Variants in NEGR1 observed in about 807,000 individuals in gnomAD.
NEGR1 encodes neuronal growth regulator 1, also known as IgLON family member 4.
Under a neutral mutation model 40.9 loss-of-function variants are expected in NEGR1, and 10 were observed. The observed-to-expected ratio is 0.24, with a 90% CI of 0.15 to 0.42. The LOEUF (loss-of-function observed/expected upper bound fraction) is 0.42. NEGR1 is among the 10% of genes least tolerant of loss of function. The pLI, the probability that NEGR1 is intolerant of heterozygous loss-of-function variation, is 1.00. For synonymous variants in NEGR1, 185 were observed against 166.8 expected, an observed-to-expected ratio of 1.11 and a Z score of -0.84; for missense variants, 352 against 438.9, an observed-to-expected ratio of 0.80 and a Z score of 1.77.
chr1:71,480,926 A>G (rs1646850227), intron 6 of NEGR1, among the ~76,000 whole-genome samples: 1 of 151,924 alleles, frequency 6.6e-6, no homozygotes, highest in Admixed American at 6.6e-5. Flanking sequence ...ACTAGTAAAG[A>G]TTGGGTACTG....
chr1:72,271,984 C>T (rs556315447), intron 1 of NEGR1, among the ~76,000 whole-genome samples: 1 of 151,956 alleles, frequency 6.6e-6, no homozygotes, highest in East Asian at 1.9e-4. Context: ...AACTGTAAGT[C>T]CAATTAAACC....
chr1:71,630,020 G>A (rs769193166), intron 4 of NEGR1, among the ~76,000 whole-genome samples: 1 of 151,808 alleles, frequency 6.6e-6, no homozygotes, highest in Non-Finnish European at 1.5e-5. Flanking sequence ...CACAATTTCT[G>A]TGTACATTTC....
chr1:71,506,209 G>A (rs958207516), intron 6 of NEGR1, among the ~76,000 whole-genome samples: 4 of 152,184 alleles, frequency 2.6e-5, no homozygotes, highest in African/African-American at 9.7e-5. Context: ...ATGGTCCCCA[G>A]AGAAAATTCA....
intron 2 of NEGR1, among the ~76,000 whole-genome samples, chr1:71,859,978 T>G (rs1365442544): frequency 6.6e-6 from 1 of 151,966 alleles, no homozygotes; most frequent in East Asian, 1.9e-4. Flanking sequence ...TCTGCCATAC[T>G]CACAATGATT....
At chr1:71,755,408 A>G (rs2101692406) in intron 3 of NEGR1, among the ~76,000 whole-genome samples, 1 of 152,314 alleles carries the variant, frequency 6.6e-6, no homozygotes, top group East Asian at 1.9e-4. Context: ...AAAAATTAAA[A>G]TTAAATCACA....
intron 1 of NEGR1, among the ~76,000 whole-genome samples, chr1:72,202,187 A>T (rs1344740044): frequency 6.6e-6 from 1 of 151,944 alleles, no homozygotes; most frequent in African/African-American, 2.4e-5. Context: ...AACCATGCTC[A>T]TATATGACAG....
chr1:71,957,433 A>ATATAT lies in NEGR1; in HGVS notation c.177-22123_177-22122insATATA, dbSNP rs1646128455. Among the ~76,000 whole-genome samples the ATATAT allele has an allele frequency of 2.0e-5, 3 of 152,264 alleles. No individual in the cohort carries two copies. In the East Asian group the frequency reaches 5.8e-4, roughly 29 times the overall value. ...GAGCTAGTCATTCTATATAAAAATG[A>ATATAT]ACTGAACCAATTGATATATACTTGG... On this transcript the variant is annotated intron_variant, in intron 1 of 6. Transcript: ENST00000357731.
chr1:71,972,653 C>T (rs1646266077), intron 1 of NEGR1, among the ~76,000 whole-genome samples: 1 of 152,092 alleles, frequency 6.6e-6, no homozygotes, highest in Non-Finnish European at 1.5e-5. Flanking sequence ...CAAATAGCTA[C>T]GATTTTATTT....
At chr1:71,725,796 T>C (rs773946245) in intron 3 of NEGR1, among the ~76,000 whole-genome samples, 4 of 152,100 alleles carry the variant, frequency 2.6e-5, no homozygotes, top group African/African-American at 4.8e-5. Flanking sequence ...GCATAGTTTC[T>C]AGTTTTTATT....
chr1:72,248,610 T>TATA (rs1654985285), intron 1 of NEGR1, among the ~76,000 whole-genome samples: 1 of 145,542 alleles, frequency 6.9e-6, no homozygotes, highest in South Asian at 2.1e-4. Flanking sequence ...TTATTATTAT[T>TATA]ATTATTTTAG....
intron 4 of NEGR1, among the ~76,000 whole-genome samples, chr1:71,654,814 G>A (rs1334039508): frequency 1.3e-5 from 2 of 152,080 alleles, no homozygotes; most frequent in Non-Finnish European, 2.9e-5. Context: ...AGTTTTCAAT[G>A]AATACATAAA....
intron 4 of NEGR1, among the ~76,000 whole-genome samples, chr1:71,640,727 A>T (rs1651321076): frequency 6.6e-6 from 1 of 152,098 alleles, no homozygotes. Context: ...TATTTATTAA[A>T]AATCGAGAGC....
At chr1:71,756,579 C>T (rs1242093345) in intron 3 of NEGR1, among the ~76,000 whole-genome samples, 1 of 151,976 alleles carries the variant, frequency 6.6e-6, no homozygotes. Flanking sequence ...CAGTTGTAAT[C>T]AACTCCACAG....
At chr1:71,538,110 A>T (rs1647569217) in intron 6 of NEGR1, among the ~76,000 whole-genome samples, 1 of 151,730 alleles carries the variant, frequency 6.6e-6, no homozygotes, top group African/African-American at 2.4e-5. Flanking sequence ...ATAAGGTATC[A>T]TGTAAAATAA....
At chr1:71,944,393 G>A (rs1238706097) in intron 1 of NEGR1, among the ~76,000 whole-genome samples, 3 of 152,112 alleles carry the variant, frequency 2.0e-5, no homozygotes, top group Non-Finnish European at 4.4e-5. Context: ...TCCTCTTTGG[G>A]ATGGAGCCAG....
chr1:71,601,609 G>C (rs771634423), intron 5 of NEGR1, among the ~76,000 whole-genome samples: 15 of 152,198 alleles, frequency 9.9e-5, no homozygotes, highest in Non-Finnish European at 1.5e-4. Flanking sequence ...CATATATTCA[G>C]TGAAATACTA....
At chr1:72,077,499 T>C (rs541187245) in intron 1 of NEGR1, among the ~76,000 whole-genome samples, 1 of 152,150 alleles carries the variant, frequency 6.6e-6, no homozygotes, top group South Asian at 2.1e-4. Context: ...TACTTTAAAA[T>C]TGTATTTTTG....
At chr1:71,803,645 A>C (rs559208933) in intron 2 of NEGR1, among the ~76,000 whole-genome samples, 3 of 152,048 alleles carry the variant, frequency 2.0e-5, no homozygotes, top group Non-Finnish European at 4.4e-5. Flanking sequence ...ACTTCTTTTA[A>C]TTATTTGTCC....
intron 6 of NEGR1, among the ~76,000 whole-genome samples, chr1:71,475,388 G>C (rs1348735120): frequency 2.0e-5 from 3 of 151,940 alleles, no homozygotes; most frequent in East Asian, 3.9e-4. Context: ...TGTCACAAAA[G>C]ATATCTCTTC....
Sources: gnomAD v4.1 joint callset for allele counts (sites outside exome capture counted in the v4.1 genomes callset) on GRCh38, gnomAD v4.1.1 for gene constraint, MANE v1.5 for transcripts, NCBI Gene and HGNC (gene_info 2026-07-23, HGNC 2026-07-21) for gene names.